Variants in RGS7 observed in about 807,000 individuals in gnomAD.
RGS7 encodes regulator of G-protein signaling 7.
Under a neutral mutation model 81.1 loss-of-function variants are expected in RGS7, and 27 were observed. That is an observed-to-expected ratio of 0.33 (90% CI 0.25 to 0.46). The LOEUF is 0.46. Ranked by LOEUF, RGS7 falls within the 20% of genes least tolerant of loss-of-function variation. The probability of loss-of-function intolerance (pLI) is 1.00; values close to 1 mark genes in which losing one functional copy is unlikely to be tolerated. For missense variants in RGS7, 396 were observed against 607.4 expected (o/e 0.65, Z 3.66); for synonymous variants, 208 against 207.7 (o/e 1.00, Z -0.01).
intron 3 of RGS7, among the ~76,000 whole-genome samples, chr1:241,095,139 CCACTGAT>C (rs1558710302): frequency 6.6e-6 from 1 of 152,128 alleles, no homozygotes; most frequent in African/African-American, 2.4e-5. Context: ...AGCAAGGTGG[CCACTGAT>C]CCCAGAGCTC....
At chr1:241,199,685 G>GA (rs35238658) in intron 2 of RGS7, among the ~76,000 whole-genome samples, 72,044 of 138,188 alleles carry the variant, frequency 0.52, 18,915 homozygotes, top group Admixed American at 0.62. Flanking sequence ...GTGGCTTCCA[G>GA]AAAAAAAAAA....
At chr1:240,937,113 G>A (rs1475056554) in intron 4 of RGS7, among the ~76,000 whole-genome samples, 1 of 152,058 alleles carries the variant, frequency 6.6e-6, no homozygotes, top group Admixed American at 6.5e-5. Flanking sequence ...CACCTAATTA[G>A]CCATATTCAA....
chr1:241,269,854 C>T (rs1448306109), intron 2 of RGS7, among the ~76,000 whole-genome samples: 4 of 152,186 alleles, frequency 2.6e-5, no homozygotes, highest in Non-Finnish European at 5.9e-5. Flanking sequence ...GCAAGTCCTT[C>T]AGCATTGTAC....
intron 3 of RGS7, among the ~76,000 whole-genome samples, chr1:240,997,771 C>T (rs556639298): frequency 3.3e-5 from 5 of 152,268 alleles, no homozygotes; most frequent in South Asian, 2.1e-4. Context: ...TTGCAGTGAG[C>T]GGAGATCGTG....
chr1:241,254,798 T>G (rs2076988699), intron 2 of RGS7, among the ~76,000 whole-genome samples: 1 of 152,208 alleles, frequency 6.6e-6, no homozygotes, highest in South Asian at 2.1e-4. Flanking sequence ...AAAACCACAT[T>G]GTCTGGGATT....
At chr1:241,196,744 T>C (rs1234668303) in intron 2 of RGS7, among the ~76,000 whole-genome samples, 3 of 152,066 alleles carry the variant, frequency 2.0e-5, no homozygotes, top group Non-Finnish European at 4.4e-5. Context: ...CTTAAGTATT[T>C]AGAAAATTGT....
intron 4 of RGS7, among the ~76,000 whole-genome samples, chr1:240,957,124 A>G (rs1680570759): frequency 6.6e-6 from 1 of 152,158 alleles, no homozygotes; most frequent in South Asian, 2.1e-4. Flanking sequence ...ACCACCCTCA[A>G]TCTGGGTGGG....
chr1:240,776,374 TC>T (rs1262181410), intron 18 of RGS7, among the ~76,000 whole-genome samples, 161 bp from the exon 19 acceptor site: 2 of 149,214 alleles, frequency 1.3e-5, no homozygotes, highest in African/African-American at 2.5e-5. Flanking sequence ...CAACCTGCCT[TC>T]CCCCCTCCCT....
At position 240,868,177 on chromosome 1, in the gene RGS7, C is replaced by CGAAG. The variant is rs959497079; in HGVS notation, c.609+406_609+409dup. ...AAGAAAGGACGGAGGGAGGGAAGGA[C>CGAAG]GAAGGAAGGAAGGAAGGAACGAAGG... On this transcript the variant is annotated intron_variant, in intron 9 of 18. Transcript: ENST00000440928. This position sits in a 1 kb window ranked among gnomAD's most constrained non-coding sequence, Gnocchi z 5.1. Among the ~76,000 whole-genome samples, 13 of 130,622 alleles carry CGAAG rather than the reference C, an allele frequency of 1.0e-4. No individual in the cohort carries two copies. Among genetic ancestry groups the CGAAG allele is most frequent in the Non-Finnish European group, 1.1e-4 (7 of 61,786 alleles). The allele number at this position is 130,622 out of a possible 152,430, so 85.7% of individuals were successfully genotyped here. A position where few individuals can be genotyped will look rare whatever the true frequency, so the allele number is the denominator to read the frequency against.
At chr1:241,267,500 T>C (rs2077654619) in intron 2 of RGS7, among the ~76,000 whole-genome samples, 1 of 152,206 alleles carries the variant, frequency 6.6e-6, no homozygotes, top group African/African-American at 2.4e-5. Flanking sequence ...TGGGGCTGGC[T>C]ACTTGGCAGA....
intron 2 of RGS7, among the ~76,000 whole-genome samples, chr1:241,323,250 G>A (rs1397602798): frequency 2.0e-5 from 3 of 152,202 alleles, no homozygotes; most frequent in Non-Finnish European, 2.9e-5. Context: ...AATATATCAA[G>A]TTCTAAATAA....
chr1:241,237,142 C>T (rs913940250), intron 2 of RGS7, among the ~76,000 whole-genome samples: 1 of 152,134 alleles, frequency 6.6e-6, no homozygotes, highest in African/African-American at 2.4e-5. Flanking sequence ...TTTATAAGGA[C>T]AACAAACAAT....
chr1:241,218,167 C>T (rs958367615), intron 2 of RGS7, among the ~76,000 whole-genome samples: 8 of 152,240 alleles, frequency 5.3e-5, no homozygotes, highest in Middle Eastern at 3.4e-3. Context: ...AAAAGAGCCC[C>T]GAGTATCTTT....
chr1:240,940,479 GTAGGTGGCCCAT>G (rs1168184560), intron 4 of RGS7, among the ~76,000 whole-genome samples: 7 of 152,316 alleles, frequency 4.6e-5, no homozygotes, highest in African/African-American at 1.7e-4. Flanking sequence ...AACATCCTTT[GTAGGTGGCCCAT>G]CTGTCTTCGT....
At chr1:240,902,078 T>C (rs1670102796) in intron 6 of RGS7, among the ~76,000 whole-genome samples, 1 of 152,230 alleles carries the variant, frequency 6.6e-6, no homozygotes, top group South Asian at 2.1e-4. Context: ...TAGGAAGTTG[T>C]CCCACAAAAT....
At chr1:240,879,635 T>C (rs1666050971) in intron 6 of RGS7, among the ~76,000 whole-genome samples, 1 of 152,224 alleles carries the variant, frequency 6.6e-6, no homozygotes, top group South Asian at 2.1e-4. Context: ...CAAAACTTGT[T>C]ACCACTCCGT....
At chr1:240,851,073 T>C (rs1262143880) in intron 9 of RGS7, among the ~76,000 whole-genome samples, 2 of 152,200 alleles carry the variant, frequency 1.3e-5, no homozygotes, top group Non-Finnish European at 2.9e-5. Flanking sequence ...TGATTTTCGA[T>C]GTAGACAAAA....
chr1:241,186,236 C>G (rs528850991), intron 2 of RGS7, among the ~76,000 whole-genome samples: 1 of 152,190 alleles, frequency 6.6e-6, no homozygotes, highest in East Asian at 1.9e-4. Context: ...ATTTTATGCT[C>G]ACTCAAAAAC....
chr1:241,190,040 T>C (rs1189195142), intron 2 of RGS7, among the ~76,000 whole-genome samples: 2 of 152,050 alleles, frequency 1.3e-5, no homozygotes, highest in Non-Finnish European at 2.9e-5. Flanking sequence ...GAGGCGGAGC[T>C]TGCAGTGAGC....
Sources: allele counts gnomAD v4.1 joint callset (sites outside exome capture counted in the v4.1 genomes callset), GRCh38; gene constraint gnomAD v4.1.1; non-coding constraint Gnocchi (gnomAD v3.1); transcripts MANE v1.5; gene names NCBI Gene and HGNC (gene_info 2026-07-23, HGNC 2026-07-21).